OPHN1: variants seen among roughly 807,000 people sequenced by gnomAD.
OPHN1 encodes oligophrenin-1.
In OPHN1, 11 loss-of-function variants were observed where a neutral mutation model predicts 60.7. The observed-to-expected ratio is 0.18, with a 90% CI of 0.11 to 0.30. OPHN1 has a LOEUF of 0.30. Among genes scored for constraint, OPHN1 ranks in the 10% least tolerant of loss-of-function variants. The pLI is 1.00. For missense variants in OPHN1, 449 were observed against 611.0 expected, an observed-to-expected ratio of 0.73 and a Z score of 2.80; for synonymous variants, 226 against 222.6, an observed-to-expected ratio of 1.02 and a Z score of -0.14.
intron 18 of OPHN1, among the ~76,000 whole-genome samples, chrX:68,100,158 A>T (rs2077052069): frequency 9.0e-6 from 1 of 111,246 alleles, no homozygotes; most frequent in Admixed American, 9.6e-5. Context: ...TGCTCTCGAA[A>T]ATAATTGGGG....
In OPHN1 at chrX:68,042,664, CT is replaced by C. The variant is rs1397513696; in HGVS notation, c.*4507del. 1 of 96,924 alleles carries C rather than the reference CT, an allele frequency of 1.0e-5. No homozygotes were observed. Among genetic ancestry groups the C allele is most frequent in the African/African-American group, 3.8e-5 (1 of 26,227 alleles). The allele number at this position is 96,924 out of a possible 1,213,427, so 8.0% of individuals were successfully genotyped here. On this transcript the variant is annotated 3_prime_UTR_variant, in exon 25 of 25. Coordinates refer to ENST00000355520, the MANE Select transcript of OPHN1 (RefSeq NM_002547.3). ...ATCAGAGAAATGCAAATCAAAACCA[CT>C]ATGAGATATCATCTCACACCAGTTA...
At chrX:68,378,427 T>G (rs995068949) in intron 2 of OPHN1, among the ~76,000 whole-genome samples, 6 of 111,674 alleles carry the variant, frequency 5.4e-5, no homozygotes, top group African/African-American at 2.0e-4. Context: ...CAGAAGCTCT[T>G]TAGTTTAATT....
intron 2 of OPHN1, among the ~76,000 whole-genome samples, chrX:68,426,936 G>C: frequency 9.7e-6 from 1 of 103,315 alleles, no homozygotes; most frequent in East Asian, 3.1e-4. Flanking sequence ...CATTATCCTT[G>C]GTTTGGAAAA....
At chrX:68,135,096 C>T (rs5965502) in intron 15 of OPHN1, among the ~76,000 whole-genome samples, 51,106 of 109,468 alleles carry the variant, frequency 0.47, 10,347 homozygotes, top group South Asian at 0.71. Flanking sequence ...AAATGCATGC[C>T]AATACCTTAC....
At chrX:68,315,037 G>A (rs908056191) in intron 2 of OPHN1, among the ~76,000 whole-genome samples, 1 of 106,921 alleles carries the variant, frequency 9.4e-6, no homozygotes, top group Non-Finnish European at 1.9e-5. Flanking sequence ...AGAATCAGTC[G>A]ATATTATACA....
chrX:68,297,458 T>A (rs555078723), intron 3 of OPHN1, among the ~76,000 whole-genome samples: 69 of 111,308 alleles, frequency 6.2e-4, no homozygotes, highest in Non-Finnish European at 1.1e-3. Flanking sequence ...TAAAATGGAG[T>A]GAATAAGAAA....
intron 5 of OPHN1, among the ~76,000 whole-genome samples, chrX:68,262,333 C>T (rs1473312001): frequency 1.8e-5 from 2 of 112,031 alleles, no homozygotes; most frequent in African/African-American, 6.5e-5. Flanking sequence ...CTCTGTATTA[C>T]TATTTTATTT....
intron 2 of OPHN1, among the ~76,000 whole-genome samples, chrX:68,337,564 C>T (rs1410404467): frequency 1.8e-5 from 2 of 110,846 alleles, no homozygotes; most frequent in African/African-American, 6.6e-5. Flanking sequence ...GTTGCCCAGG[C>T]AGGCCTCAAA....
chrX:68,275,794 A>G (rs2147595919), intron 4 of OPHN1, among the ~76,000 whole-genome samples: 1 of 111,653 alleles, frequency 9.0e-6, no homozygotes. Context: ...CTACCTCCCC[A>G]AAAGTGTGGA....
At chrX:68,167,525 GTGT>G (rs2077364366) in intron 15 of OPHN1, among the ~76,000 whole-genome samples, 1 of 107,518 alleles carries the variant, frequency 9.3e-6, no homozygotes, top group Non-Finnish European at 1.9e-5. Context: ...ATGTGTGTGT[GTGT>G]GTGTATATGT....
intron 15 of OPHN1, among the ~76,000 whole-genome samples, chrX:68,132,299 C>T (rs2077198329): frequency 9.7e-6 from 1 of 103,581 alleles, no homozygotes; most frequent in Non-Finnish European, 2.0e-5. Context: ...GGAACCAACC[C>T]AAATGTCCAA....
chrX:68,068,188 G>A (rs768740388), intron 20 of OPHN1, among the ~76,000 whole-genome samples: 3 of 110,912 alleles, frequency 2.7e-5, no homozygotes, highest in Non-Finnish European at 3.8e-5. Context: ...TGGTGCAGCT[G>A]AGGCCTGGTG....
At chrX:68,429,097 G>A (rs2078872846) in intron 2 of OPHN1, among the ~76,000 whole-genome samples, 1 of 111,251 alleles carries the variant, frequency 9.0e-6, no homozygotes, top group African/African-American at 3.3e-5. Context: ...TGGGAGGTGG[G>A]TATAATTACC....
intron 6 of OPHN1, among the ~76,000 whole-genome samples, chrX:68,229,211 T>G (rs1227999088): frequency 1.8e-5 from 2 of 111,453 alleles, no homozygotes; most frequent in East Asian, 5.6e-4. Context: ...ACAAGGGATG[T>G]GAAGGACCTC....
At chrX:68,245,132 G>A (rs2077799020) in intron 5 of OPHN1, among the ~76,000 whole-genome samples, 1 of 111,200 alleles carries the variant, frequency 9.0e-6, no homozygotes. Context: ...ATAAGGAAAG[G>A]CACTAAGGAA....
At position 68,339,281 on chromosome X, in the gene OPHN1, T is replaced by C. The variant is rs372620677; in HGVS notation, c.155-40185A>G. 9.2e-5 allele frequency among the ~76,000 whole-genome samples: 10 copies of C among 108,765 alleles called. No homozygotes were observed. The East Asian group carries it at 1.7e-3, about 19-fold the overall frequency. The allele number at this position is 108,765 out of a possible 115,157, so 94.4% of individuals were successfully genotyped here. A position where few individuals can be genotyped will look rare whatever the true frequency, so the allele number is the denominator to read the frequency against. ...AATCTCCTCCACCTCATAAAGAAAA[T>C]CTATGAAAAACACAACAGCTAACCT... On this transcript the variant is annotated intron_variant, in intron 2 of 24. Coordinates refer to ENST00000355520, the MANE Select transcript of OPHN1 (RefSeq NM_002547.3).
intron 21 of OPHN1, among the ~76,000 whole-genome samples, chrX:68,061,122 T>G (rs2076891249): frequency 9.0e-6 from 1 of 111,442 alleles, no homozygotes; most frequent in African/African-American, 3.3e-5. Context: ...AAGCATGGGG[T>G]TTTGAAAAAA....
At chrX:68,092,120 A>C (rs1228364472) in intron 19 of OPHN1, among the ~76,000 whole-genome samples, 1 of 36,527 alleles carries the variant, frequency 2.7e-5, no homozygotes, top group Non-Finnish European at 1.4e-4. Flanking sequence ...GGAGTAACAA[A>C]GAAAACTTAA....
intron 15 of OPHN1, among the ~76,000 whole-genome samples, chrX:68,137,393 A>G (rs1209439005): frequency 1.8e-5 from 2 of 112,022 alleles, no homozygotes; most frequent in East Asian, 5.6e-4. Flanking sequence ...TGAAAAAACA[A>G]TGACTTCTAT....
Sources: gnomAD v4.1 joint callset for allele counts (sites outside exome capture counted in the v4.1 genomes callset) on GRCh38, gnomAD v4.1.1 for gene constraint, MANE v1.5 for transcripts, NCBI Gene and HGNC (gene_info 2026-07-23, HGNC 2026-07-21) for gene names.